VPS13D: variants seen among roughly 807,000 people sequenced by gnomAD.
VPS13D encodes intermembrane lipid transfer protein VPS13D.
A neutral mutation model predicts 461.9 loss-of-function variants in VPS13D; 187 were observed. That is an observed-to-expected ratio of 0.40 (90% CI 0.36 to 0.46). The LOEUF (loss-of-function observed/expected upper bound fraction) is 0.46. Ranked by LOEUF, VPS13D falls within the 20% of genes least tolerant of loss-of-function variation. VPS13D has a pLI of 0.60. For missense variants in VPS13D, 4,711 were observed against 5,364.9 expected, an observed-to-expected ratio of 0.88 and a Z score of 3.81; for synonymous variants, 1,951 against 1,986.3, an observed-to-expected ratio of 0.98 and a Z score of 0.47.
intron 65 of VPS13D, among the ~76,000 whole-genome samples, chr1:12,453,658 A>G (rs758991268): frequency 6.6e-6 from 1 of 152,110 alleles, no homozygotes; most frequent in Non-Finnish European, 1.5e-5. Context: ...CTTTCTGTGT[A>G]GTTTGTGTCC....
intron 68 of VPS13D, among the ~76,000 whole-genome samples, chr1:12,503,533 A>G (rs898707455): frequency 1.3e-5 from 2 of 152,126 alleles, no homozygotes; most frequent in Admixed American, 6.6e-5. Context: ...TAAAAATCCT[A>G]TTTTTTAAAT....
At chr1:12,266,033 T>G (rs2101310732) in intron 13 of VPS13D, among the ~76,000 whole-genome samples, 1 of 152,214 alleles carries the variant, frequency 6.6e-6, no homozygotes, top group Non-Finnish European at 1.5e-5. Flanking sequence ...CATGGTGACA[T>G]GCTCCTGTAG....
intron 53 of VPS13D, among the ~76,000 whole-genome samples, chr1:12,369,106 T>C (rs1644079815): frequency 1.3e-5 from 2 of 152,206 alleles, no homozygotes; most frequent in East Asian, 1.9e-4. Flanking sequence ...AAATATATCA[T>C]AGGGGGTTTG....
chr1:12,482,532 A>G (rs572624519), intron 67 of VPS13D, among the ~76,000 whole-genome samples: 2 of 152,336 alleles, frequency 1.3e-5, no homozygotes, highest in South Asian at 4.1e-4. Flanking sequence ...CATACAATAT[A>G]TGATTTCTTA....
chr1:12,385,360 A>G lies in VPS13D; in HGVS notation c.11471A>G (p.Glu3824Gly). The change falls in exon 59 of 70, where the codon GAG (glutamate) becomes GGG (glycine). Residue 3824 changes from glutamate (E) to glycine (G), a missense_variant. By Grantham distance (98) the Glu-to-Gly change is moderately conservative (BLOSUM62 -2). Coordinates refer to ENST00000620676, the MANE Select transcript of VPS13D (RefSeq NM_015378.4). Reference protein sequence around the residue: ...ELQKLKNPDTEQELEVLVRLE... With the variant: ...ELQKLKNPDTGQELEVLVRLE... Reference sequence around the variant, plus strand: ...CAGAAATTAAAGAATCCAGATACAGAGCAGGAATTGGAAGTAAGGTCTAAA... The same window carrying G: ...CAGAAATTAAAGAATCCAGATACAGGGCAGGAATTGGAAGTAAGGTCTAAA... 1.2e-6 allele frequency: 2 copies of G among 1,612,754 alleles called. No individual in the cohort carries two copies. The highest frequency in any genetic ancestry group is 8.5e-7 in the Non-Finnish European group (1 of 1,179,412).
chr1:12,365,706 A>AG (rs960519307), intron 52 of VPS13D, among the ~76,000 whole-genome samples: 1 of 151,386 alleles, frequency 6.6e-6, no homozygotes, highest in African/African-American at 2.4e-5. Context: ...TCTGTCTCAA[A>AG]AAAAAAAAAA....
intron 69 of VPS13D, among the ~76,000 whole-genome samples, chr1:12,508,634 C>T (rs113699356): frequency 0.012 from 1,744 of 150,922 alleles, 37 homozygotes; most frequent in African/African-American, 0.038. Flanking sequence ...CGCTTGAACC[C>T]GGGAGGCGGA....
At chr1:12,486,562 G>A (rs1645799604) in intron 67 of VPS13D, among the ~76,000 whole-genome samples, 3 of 152,174 alleles carry the variant, frequency 2.0e-5, no homozygotes, top group East Asian at 1.9e-4. Context: ...GACGGTGCAC[G>A]TTCCCCGGAG....
At position 12,294,535 on chromosome 1, in the gene VPS13D, C is replaced by T. The variant is rs532717490; in HGVS notation, c.6033+831C>T. The stretch of plus-strand genomic sequence containing the variant: ...CAAAAATTTAAAATGTCCTGGCAGC[C>T]GGGTGTGGTGGCTCACGCCTGTAAA... On this transcript the variant is annotated intron_variant, in intron 24 of 69. Transcript: ENST00000620676. 1.8e-3 allele frequency among the ~76,000 whole-genome samples: 277 copies of T among 152,294 alleles called. 1 individual carries two copies. Among genetic ancestry groups the T allele is most frequent in the African/African-American group, 6.1e-3 (253 of 41,560 alleles).
At position 12,314,152 on chromosome 1, in the gene VPS13D, T is replaced by G. The variant is rs150486838; in HGVS notation, c.6973T>G (p.Phe2325Val). 2.8e-5 allele frequency: 46 copies of G among 1,614,092 alleles called. No individual in the cohort carries two copies. The highest frequency in any genetic ancestry group is 3.7e-5 in the Non-Finnish European group (44 of 1,180,032). Reference sequence around the variant, plus strand: ...GAAATGCAAACTGCTCTATGAAAGTTTTTCCAACCAAACCAAGTCCATTAA... The same window carrying G: ...GAAATGCAAACTGCTCTATGAAAGTGTTTCCAACCAAACCAAGTCCATTAA... ...FKKCKLLYES[F>V]SNQTKSINLV... The change falls in exon 30 of 70, where the codon TTT (phenylalanine) becomes GTT (valine). Residue 2325 changes from phenylalanine (F) to valine (V), a missense_variant. By Grantham distance (50) the Phe-to-Val change is conservative. This residue lies in a region of VPS13D where 4,411 missense variants were observed against 4,937.8 expected (regional missense o/e 0.89). Coordinates refer to ENST00000620676, the MANE Select transcript of VPS13D (RefSeq NM_015378.4).
intron 60 of VPS13D, among the ~76,000 whole-genome samples, chr1:12,393,959 A>G (rs1644462191): frequency 6.6e-6 from 1 of 152,158 alleles, no homozygotes; most frequent in African/African-American, 2.4e-5. Context: ...GAGGGCAACA[A>G]TGACATTTTG....
intron 32 of VPS13D, 89 bp downstream of exon 32, chr1:12,319,719 A>G: frequency 6.4e-7 from 1 of 1,574,432 alleles, no homozygotes; most frequent in Non-Finnish European, 8.7e-7. Context: ...AACTTTCATG[A>G]GGGGAAGGAA....
intron 67 of VPS13D, among the ~76,000 whole-genome samples, chr1:12,462,478 A>G (rs892248102): frequency 3.3e-5 from 5 of 152,334 alleles, no homozygotes; most frequent in Admixed American, 2.0e-4. Context: ...AATCCCATTT[A>G]ATCTTCATAG....
chr1:12,504,214 T>C lies in VPS13D; in HGVS notation c.12795-2639T>C, dbSNP rs78709638. ...ATGATGCAACCCAAAGCCCTGGCCA[T>C]TGTGGGATGCAGGAAAGCCTCAGGA... On this transcript the variant is annotated intron_variant, in intron 68 of 69. Transcript: ENST00000620676. 2.7e-3 allele frequency among the ~76,000 whole-genome samples: 417 copies of C among 152,110 alleles called. 1 individual carries two copies. The highest frequency in any genetic ancestry group is 4.7e-3 in the Non-Finnish European group (320 of 67,988).
rs376213895 is a variant in VPS13D, at chr1:12,266,919, T to C, written c.1633T>C (p.Ser545Pro). Residue 545 changes from serine (S) to proline (P), a missense_variant, in exon 14 of 70, where the codon TCC becomes CCC. Ser to Pro is a moderately conservative substitution (Grantham distance 74). Around this residue, in one of 3 missense-constraint regions of VPS13D, gnomAD observed 4,411 missense variants for 4,937.8 expected, o/e 0.89. Transcript: ENST00000620676. ...AGCAGAGTCTCTTCCTCGAAGAAAT[T>C]CCTCGTTGCTTTCAGTCCGGTTGGG... Reference protein sequence around the residue: ...LLAESLPRRNSSLLSVRLGGL... With the variant: ...LLAESLPRRNPSLLSVRLGGL... 3 of 1,604,810 alleles carry C rather than the reference T, an allele frequency of 1.9e-6. No homozygotes were observed. The African/African-American group carries it at 4.0e-5, about 22-fold the overall frequency.
chr1:12,339,747 G>T (rs906001524), intron 40 of VPS13D, among the ~76,000 whole-genome samples: 7 of 152,220 alleles, frequency 4.6e-5, no homozygotes, highest in Non-Finnish European at 1.0e-4. Flanking sequence ...AGAGAAATGG[G>T]TTATTGAAGC....
intron 65 of VPS13D, among the ~76,000 whole-genome samples, chr1:12,444,866 A>G (rs1447247538): frequency 1.3e-5 from 2 of 152,126 alleles, no homozygotes; most frequent in African/African-American, 4.8e-5. Flanking sequence ...GGCCAATGTT[A>G]TTTTTCTCCA....
intron 36 of VPS13D, among the ~76,000 whole-genome samples, chr1:12,328,664 C>T (rs1479794255): frequency 6.6e-6 from 1 of 152,158 alleles, no homozygotes; most frequent in Non-Finnish European, 1.5e-5. Flanking sequence ...CTTCAGTCCC[C>T]CGAGTAGCCG....
Position 12,370,040 on chromosome 1 carries a change from G to A in VPS13D, c.10808+338G>A, listed in dbSNP as rs114244941. ...ACTAATCTTCATCATAATTATTCAA[G>A]TCATCATTCTGACTCTCCTCCCACC... is the stretch of plus-strand genomic sequence containing the variant. On this transcript the variant is annotated intron_variant, in intron 54 of 69. Transcript: ENST00000620676. 5.6e-3 allele frequency among the ~76,000 whole-genome samples: 852 copies of A among 152,182 alleles called. 7 individuals are homozygous for A. The highest frequency in any genetic ancestry group is 0.019 in the African/African-American group (774 of 41,514).
Sources: allele counts gnomAD v4.1 joint callset (sites outside exome capture counted in the v4.1 genomes callset), GRCh38; gene constraint gnomAD v4.1.1; regional missense constraint gnomAD v4.1.1; transcripts MANE v1.5; gene names NCBI Gene and HGNC (gene_info 2026-07-23, HGNC 2026-07-21).